The following SORBS2 variants were observed in gnomAD, a reference collection of about 807,000 sequenced individuals.
SORBS2 encodes sorbin and SH3 domain-containing protein 2.
SORBS2 carries 46 observed loss-of-function variants against 97.7 expected under a neutral mutation model. The observed-to-expected ratio is 0.47, with a 90% CI of 0.37 to 0.60. The LOEUF (loss-of-function observed/expected upper bound fraction) is 0.60. SORBS2 is among the 20% of genes least tolerant of loss of function. SORBS2 has a pLI of 0.00. For missense variants in SORBS2, 1,316 were observed against 1,282.3 expected (o/e 1.03, Z -0.40); for synonymous variants, 476 against 473.4 (o/e 1.01, Z -0.07).
rs1489577857 is a variant in SORBS2 at position 185,700,434 on chromosome 4, A to G, written c.-197-21612T>C. On this transcript the variant is annotated intron_variant, in intron 2 of 20. Transcript: ENST00000284776. The stretch of plus-strand genomic sequence containing the variant: ...GGTGACTACCAGCAGCAACAGGAAA[A>G]GTTACTGACATGTACTTGAGGTTTA... Among the ~76,000 whole-genome samples, 5 of 152,058 alleles carry G rather than the reference A, an allele frequency of 3.3e-5. No homozygotes were observed. The South Asian group carries it at 8.3e-4, about 25-fold the overall frequency.
At chr4:185,717,648 C>T (rs769522202) in intron 2 of SORBS2, among the ~76,000 whole-genome samples, 1 of 152,106 alleles carries the variant, frequency 6.6e-6, no homozygotes, top group Admixed American at 6.5e-5. Flanking sequence ...GTTAGCTGGG[C>T]GCCCTGGATT....
intron 2 of SORBS2, among the ~76,000 whole-genome samples, chr4:185,748,802 AT>A (rs1399998409): frequency 2.6e-5 from 4 of 152,186 alleles, no homozygotes; most frequent in Non-Finnish European, 4.4e-5. Flanking sequence ...GCTGGTTTAC[AT>A]TTTGCCTTCG....
At chr4:185,885,327 G>A (rs12503031) in intron 1 of SORBS2, among the ~76,000 whole-genome samples, 42,448 of 152,054 alleles carry the variant, frequency 0.28, 6,160 homozygotes, top group East Asian at 0.54. Flanking sequence ...TAGCACCCCC[G>A]GGCACCTGCT....
At chr4:185,882,730 A>G (rs1356779363) in intron 1 of SORBS2, among the ~76,000 whole-genome samples, 1 of 152,214 alleles carries the variant, frequency 6.6e-6, no homozygotes, top group Non-Finnish European at 1.5e-5. Context: ...TATAGCTGAA[A>G]GGATATGAAC....
chr4:185,610,027 G>A (rs1472894971), intron 12 of SORBS2, among the ~76,000 whole-genome samples: 1 of 152,132 alleles, frequency 6.6e-6, no homozygotes, highest in Non-Finnish European at 1.5e-5. Flanking sequence ...AGTGAAATTT[G>A]TACATGCCTC....
At chr4:185,830,569 G>A (rs2099204583) in intron 1 of SORBS2, among the ~76,000 whole-genome samples, 1 of 152,186 alleles carries the variant, frequency 6.6e-6, no homozygotes, top group African/African-American at 2.4e-5. Context: ...ATTAAGAAAG[G>A]GAGTGGCTTC....
chr4:185,846,999 GC>G (rs1278965626), intron 1 of SORBS2, among the ~76,000 whole-genome samples: 1 of 152,188 alleles, frequency 6.6e-6, no homozygotes, highest in East Asian at 1.9e-4. Flanking sequence ...ACTCACTGGG[GC>G]CATGCTCCCT....
exon 10 of SORBS2, chr4:185,615,054 T>C: frequency 1.9e-6 from 3 of 1,613,366 alleles, no homozygotes; most frequent in Non-Finnish European, 2.5e-6. Flanking sequence ...CCTCTACGTA[T>C]GAGATCGGGA....
chr4:185,844,754 A>C (rs1425553097), intron 1 of SORBS2, among the ~76,000 whole-genome samples: 1 of 152,254 alleles, frequency 6.6e-6, no homozygotes, highest in African/African-American at 2.4e-5. Context: ...ATATTCATAC[A>C]TTGAAATATT....
chr4:185,652,566 G>A (rs905500580), intron 2 of SORBS2, 96 bp downstream of exon 10: 3 of 944,780 alleles, frequency 3.2e-6, no homozygotes, highest in Non-Finnish European at 5.2e-6. Flanking sequence ...GTTTGCTGGG[G>A]TCTTGACATT....
chr4:185,768,712 C>CA (rs72088117), intron 2 of SORBS2, among the ~76,000 whole-genome samples: 17,501 of 116,744 alleles, frequency 0.15, 1,584 homozygotes, highest in African/African-American at 0.24. Flanking sequence ...AAAAAAAAAA[C>CA]AAAAAAACAA....
intron 1 of SORBS2, among the ~76,000 whole-genome samples, chr4:185,821,880 T>A (rs2099197002): frequency 6.6e-6 from 1 of 152,224 alleles, no homozygotes; most frequent in African/African-American, 2.4e-5. Flanking sequence ...TTACGAAACA[T>A]GTCTCGAACA....
intron 2 of SORBS2, among the ~76,000 whole-genome samples, chr4:185,752,512 G>A (rs1331601518): frequency 6.6e-6 from 1 of 152,178 alleles, no homozygotes; most frequent in Non-Finnish European, 1.5e-5. Context: ...TCCTGACCTT[G>A]TGATCTGCCC....
chr4:185,664,047 G>A (rs926453155), intron 4 of SORBS2, among the ~76,000 whole-genome samples: 2 of 151,412 alleles, frequency 1.3e-5, no homozygotes. Context: ...GTAGAGACGG[G>A]GTTTCACCAT....
chr4:185,660,074 C>T (rs1274166646), upstream of SORBS2, among the ~76,000 whole-genome samples: 3 of 152,314 alleles, frequency 2.0e-5, no homozygotes, highest in Admixed American at 2.0e-4. Flanking sequence ...AACCTTATCA[C>T]AGCACTGGCC....
rs144036817 is a variant in SORBS2 at position 185,797,578 on chromosome 4, T to C, written c.-337-22212A>G. On this transcript the variant is annotated intron_variant, in intron 1 of 20. Transcript: ENST00000284776. The stretch of plus-strand genomic sequence containing the variant: ...TCTGCCTCTGACGTGCCAGGCGCTA[T>C]GCCGGTCATTTTGCAGTAATCTCAT... 4.6e-3 allele frequency among the ~76,000 whole-genome samples: 707 copies of C among 152,302 alleles called. 4 individuals are homozygous for C. The highest frequency in any genetic ancestry group is 0.016 in the African/African-American group (676 of 41,578).
At chr4:185,827,353 A>G (rs1203244819) in intron 1 of SORBS2, among the ~76,000 whole-genome samples, 1 of 37,296 alleles carries the variant, frequency 2.7e-5, no homozygotes, top group Admixed American at 2.1e-4. Flanking sequence ...CATCATCATC[A>G]TCATCATCAT....
At chr4:185,624,577 A>G in intron 6 of SORBS2, 83 bp from the exon 19 acceptor site, 1 of 1,281,500 alleles carries the variant, frequency 7.8e-7, no homozygotes, top group Non-Finnish European at 1.1e-6. Flanking sequence ...ATGTCAGTAA[A>G]GCATCAGACA....
chr4:185,721,132 T>C (rs990670635), intron 2 of SORBS2, among the ~76,000 whole-genome samples: 5 of 140,380 alleles, frequency 3.6e-5, no homozygotes, highest in African/African-American at 8.0e-5. Context: ...TCTGTCGCCC[T>C]GGCTGTGATC....
Sources: allele counts gnomAD v4.1 joint callset (sites outside exome capture counted in the v4.1 genomes callset), GRCh38; gene constraint gnomAD v4.1.1; transcripts MANE v1.5; gene names NCBI Gene and HGNC (gene_info 2026-07-23, HGNC 2026-07-21).